The following WSCD1 variants were observed in gnomAD, a reference collection of about 807,000 sequenced individuals.
WSCD1 encodes the protein sialate:O-sulfotransferase 1.
Under a neutral mutation model 60.4 loss-of-function variants are expected in WSCD1, and 41 were observed. The observed-to-expected ratio is 0.68, with a 90% confidence interval of 0.53 to 0.88. The LOEUF is 0.88. Ranked by LOEUF, WSCD1 falls within the 40% of genes least tolerant of loss-of-function variation. The probability of loss-of-function intolerance (pLI) is 0.00; values close to 1 mark genes in which losing one functional copy is unlikely to be tolerated. For missense variants in WSCD1, 784 were observed against 796.2 expected (o/e 0.98, Z 0.18); for synonymous variants, 361 against 332.5 (o/e 1.09, Z -0.93).
chr17:6,075,127 G>A lies in WSCD1; in HGVS notation c.-289+4475G>A, dbSNP rs1463299401. Among the ~76,000 whole-genome samples the A allele has an allele frequency of 6.6e-6, 1 of 152,178 alleles. No homozygotes were observed. Among genetic ancestry groups the A allele is most frequent in the Non-Finnish European group, 1.5e-5 (1 of 68,038 alleles). ...ACCTTGTCTAGAGAGCAACGTTCTG[G>A]GCCCTATTCTTGTCGCTGGGGCTCC... On this transcript the variant is annotated intron_variant, in intron 1 of 8. Transcript: ENST00000317744. This position sits in a 1 kb window ranked among gnomAD's most constrained non-coding sequence, Gnocchi z 4.1.
At position 6,081,205 on chromosome 17, in the gene WSCD1, T is replaced by A. The variant is rs993888487; in HGVS notation, c.427+120T>A. On this transcript the variant is annotated intron_variant, in intron 2 of 8. Coordinates refer to ENST00000317744, the MANE Select transcript of WSCD1 (RefSeq NM_015253.2). Reference sequence around the variant, plus strand: ...CTTCACCGCTAGATGGTTCTTTCCTTCTGCTCTGCAGGACAGGAAGGGGCC... The same window carrying A: ...CTTCACCGCTAGATGGTTCTTTCCTACTGCTCTGCAGGACAGGAAGGGGCC... The A allele has an allele frequency of 2.4e-6, 3 of 1,243,396 alleles. No individual in the cohort carries two copies. The African/African-American group carries it at 4.6e-5, about 19-fold the overall frequency. The allele number at this position is 1,243,396 out of a possible 1,614,324, so 77.0% of individuals were successfully genotyped here.
chr17:6,084,018 TTAAAA>T (rs1168726379), intron 2 of WSCD1, among the ~76,000 whole-genome samples: 3 of 152,096 alleles, frequency 2.0e-5, no homozygotes, highest in Admixed American at 1.3e-4. Flanking sequence ...TTATCAGTTG[TTAAAA>T]TAATTATAAT....
At chr17:6,069,390 C>CGTGTGTGT (rs771018197), upstream of WSCD1, 467 of 335,694 alleles carry the variant, frequency 1.4e-3, 4 homozygotes, top group African/African-American at 0.01. Flanking sequence ...CACCTCGGTG[C>CGTGTGTGT]GTGTGTGTGT....
chr17:6,090,369 G>A lies in WSCD1; in HGVS notation c.591G>A (p.Gly197=). 6.2e-7 allele frequency: 1 copy of A among 1,609,552 alleles called. No individual in the cohort carries two copies. Among genetic ancestry groups the A allele is most frequent in the Non-Finnish European group, 8.5e-7 (1 of 1,178,186 alleles). Residue 197 remains glycine (G), a synonymous_variant, in exon 4 of 9, where the codon GGG becomes GGA. Coordinates refer to ENST00000317744, the MANE Select transcript of WSCD1 (RefSeq NM_015253.2). Reference sequence around the variant, plus strand: ...AGGCCGGGGCGGAGTGTTACTGCGGGAACCGGCTGCCAGCGGTGAGCGTGG... The same window carrying A: ...AGGCCGGGGCGGAGTGTTACTGCGGAAACCGGCTGCCAGCGGTGAGCGTGG... ...GLEAGAECYC[G]NRLPAVSVGL... is the part of the protein sequence containing the mutation.
rs3826522 is a variant in WSCD1, at chr17:6,121,373, G to A, written c.*712G>A. ...AGGGTTGAGGACTGCCCCCCACCCC[G>A]CCCAAGCCAATGCAGACACTGACCT... is the stretch of plus-strand genomic sequence containing the variant. On this transcript the variant is annotated 3_prime_UTR_variant, in exon 9 of 9. Transcript: ENST00000317744. 3.4e-3 allele frequency: 518 copies of A among 152,192 alleles called. 1 individual carries two copies. Among genetic ancestry groups the A allele is most frequent in the Non-Finnish European group, 6.0e-3 (410 of 68,200 alleles). 9.4% of individuals were successfully genotyped at this position (152,192 alleles called of 1,614,324 possible). A position where few individuals can be genotyped will look rare whatever the true frequency, so the allele number is the denominator to read the frequency against.
chr17:6,113,856 A>G (rs987620347), intron 7 of WSCD1, among the ~76,000 whole-genome samples: 9 of 152,146 alleles, frequency 5.9e-5, no homozygotes, highest in African/African-American at 2.2e-4. Context: ...GTTGGAGAGG[A>G]TGTGGAGAAA....
In WSCD1 at chr17:6,080,468, G is replaced by A. The variant is rs1294837384; in HGVS notation, c.-191G>A. On this transcript the variant is annotated 5_prime_UTR_variant, in exon 2 of 9. Coordinates refer to ENST00000317744, the MANE Select transcript of WSCD1 (RefSeq NM_015253.2). The surrounding 1 kb of genome is among the most constrained non-coding windows in gnomAD (Gnocchi z 6.6). ...CAGCTGCAGGACCCTGTGGCCACTG[G>A]AGATAAGTAATGGTGCCATTTGAAC... 6 of 606,354 alleles carry A rather than the reference G, an allele frequency of 9.9e-6. No homozygotes were observed. The East Asian group carries it at 1.7e-4, about 17-fold the overall frequency. The allele number at this position is 606,354 out of a possible 1,614,324, so 37.6% of individuals were successfully genotyped here. A position where few individuals can be genotyped will look rare whatever the true frequency, so the allele number is the denominator to read the frequency against.
intron 5 of WSCD1, among the ~76,000 whole-genome samples, chr17:6,108,273 T>C (rs1314802328): frequency 6.6e-6 from 1 of 152,214 alleles, no homozygotes; most frequent in African/African-American, 2.4e-5. Context: ...CTTATTTATT[T>C]ATGAGATTTT....
intron 1 of WSCD1, among the ~76,000 whole-genome samples, chr17:6,074,082 T>A (rs116300655): frequency 0.011 from 1,636 of 152,336 alleles, 24 homozygotes; most frequent in African/African-American, 0.036. Context: ...TATGTTAAAT[T>A]TTTTATTTAT....
intron 2 of WSCD1, among the ~76,000 whole-genome samples, chr17:6,083,434 G>T (rs1438624009): frequency 2.0e-5 from 3 of 152,212 alleles, no homozygotes; most frequent in African/African-American, 7.2e-5. Flanking sequence ...ACCGAGGTCT[G>T]CTAGAGGCAC....
upstream of WSCD1, among the ~76,000 whole-genome samples, chr17:6,069,684 T>G (rs1436876181): frequency 6.7e-6 from 1 of 149,758 alleles, no homozygotes; most frequent in Non-Finnish European, 1.5e-5. Flanking sequence ...TGTGTGAGAG[T>G]GTCTGTGTTC....
chr17:6,112,421 T>C (rs1017544367), intron 7 of WSCD1, among the ~76,000 whole-genome samples: 1 of 152,206 alleles, frequency 6.6e-6, no homozygotes, highest in African/African-American at 2.4e-5. Flanking sequence ...ACTTTCACCA[T>C]GTCTGTTCAG....
intron 7 of WSCD1, among the ~76,000 whole-genome samples, chr17:6,112,127 A>G (rs1449406095): frequency 6.6e-6 from 1 of 152,222 alleles, no homozygotes; most frequent in Non-Finnish European, 1.5e-5. Flanking sequence ...AATAGTAGAA[A>G]GATTTTAAAT....
chr17:6,098,161 G>GGA (rs1910571090), intron 5 of WSCD1, among the ~76,000 whole-genome samples: 1 of 147,998 alleles, frequency 6.8e-6, no homozygotes, highest in African/African-American at 2.6e-5. Flanking sequence ...CGGGGTGGGG[G>GGA]GGGTCTCACC....
rs148395988 is a variant in WSCD1, at chr17:6,078,604, G to A, written c.-288-1767G>A. Among the ~76,000 whole-genome samples, 195 of 152,270 alleles carry A rather than the reference G, an allele frequency of 1.3e-3. 1 individual carries two copies. The highest frequency in any genetic ancestry group is 4.4e-3 in the African/African-American group (183 of 41,546). On this transcript the variant is annotated intron_variant, in intron 1 of 8. Transcript: ENST00000317744. ...TGCGTGTGTGTGCGTGCATGCATGC[G>A]TGTGCATGTGAGATGGGGAAGCCAA... is the stretch of plus-strand genomic sequence containing the variant.
chr17:6,093,245 C>T (rs993081917), intron 4 of WSCD1, among the ~76,000 whole-genome samples: 9 of 152,244 alleles, frequency 5.9e-5, no homozygotes, highest in Non-Finnish European at 8.8e-5. Context: ...CCTTCTTTAG[C>T]GGCTCATGGA....
intron 7 of WSCD1, among the ~76,000 whole-genome samples, chr17:6,114,160 A>AAG (rs1911569907): frequency 6.6e-6 from 1 of 151,736 alleles, no homozygotes; most frequent in Non-Finnish European, 1.5e-5. Flanking sequence ...CCGTAAAAAA[A>AAG]AAAAAAAAAA....
intron 5 of WSCD1, among the ~76,000 whole-genome samples, chr17:6,103,143 G>A (rs987795148): frequency 2.0e-5 from 3 of 152,158 alleles, no homozygotes; most frequent in South Asian, 2.1e-4. Flanking sequence ...TAGTTTTCTC[G>A]TCTGCTAAAT....
rs1908803907 is a variant in WSCD1 at position 6,075,626 on chromosome 17, C to T, written c.-288-4745C>T. Among the ~76,000 whole-genome samples, 3 of 152,212 alleles carry T rather than the reference C, an allele frequency of 2.0e-5. No individual in the cohort carries two copies. The highest frequency in any genetic ancestry group is 7.2e-5 in the African/African-American group (3 of 41,446). The stretch of plus-strand genomic sequence containing the variant: ...AGAAGCCCATTTGTTCTGTTACTCT[C>T]TTCTCATGCTTGACAGGGAACTCAG... On this transcript the variant is annotated intron_variant, in intron 1 of 8. Transcript: ENST00000317744. This position sits in a 1 kb window ranked among gnomAD's most constrained non-coding sequence, Gnocchi z 4.1.
Sources: allele counts gnomAD v4.1 joint callset (sites outside exome capture counted in the v4.1 genomes callset), GRCh38; gene constraint gnomAD v4.1.1; non-coding constraint Gnocchi (gnomAD v3.1); transcripts MANE v1.5; gene names NCBI Gene and HGNC (gene_info 2026-07-23, HGNC 2026-07-21).